The following WWTR1 variants were observed in gnomAD, a reference collection of about 807,000 sequenced individuals.
The protein encoded by WWTR1 is WW domain containing transcription regulator 1, also known as WW domain-containing transcription regulator protein 1.
Under a neutral mutation model 40.1 loss-of-function variants are expected in WWTR1, and 13 were observed. That is an observed-to-expected ratio of 0.32 (90% confidence interval 0.21 to 0.52). The LOEUF (loss-of-function observed/expected upper bound fraction) is 0.52. Ranked by LOEUF, WWTR1 falls within the 20% of genes least tolerant of loss-of-function variation. The probability of loss-of-function intolerance (pLI) is 0.97; values close to 1 mark genes in which losing one functional copy is unlikely to be tolerated. For synonymous variants in WWTR1, 230 were observed against 210.1 expected (o/e 1.09, Z -0.82); for missense variants, 436 against 523.1 (o/e 0.83, Z 1.63).
At chr3:149,579,755 G>T (rs1002964442) in intron 2 of WWTR1, among the ~76,000 whole-genome samples, 2 of 152,098 alleles carry the variant, frequency 1.3e-5, no homozygotes, top group African/African-American at 4.8e-5. Flanking sequence ...AAACTTTTTT[G>T]ATTTACTAGG....
intron 2 of WWTR1, among the ~76,000 whole-genome samples, chr3:149,588,098 G>C (rs1207263991): frequency 6.6e-6 from 1 of 152,182 alleles, no homozygotes; most frequent in African/African-American, 2.4e-5. Flanking sequence ...GCTAAGTATT[G>C]CCAAGAGACT....
intron 1 of WWTR1, among the ~76,000 whole-genome samples, chr3:149,676,809 A>G (rs980931597): frequency 2.6e-5 from 4 of 152,076 alleles, no homozygotes; most frequent in Non-Finnish European, 5.9e-5. Flanking sequence ...ATGCTTTTCA[A>G]TAGTGAAAGT....
chr3:149,648,023 AC>A (rs1408802108), intron 2 of WWTR1, among the ~76,000 whole-genome samples: 2 of 151,968 alleles, frequency 1.3e-5, no homozygotes, highest in African/African-American at 2.4e-5. Context: ...CTGCCTCTAT[AC>A]CTCTCTTCCC....
intron 3 of WWTR1, 40 bp downstream of exon 3, chr3:149,572,824 A>C (rs1423989499): frequency 6.2e-7 from 1 of 1,606,678 alleles, no homozygotes; most frequent in East Asian, 2.2e-5. Context: ...TCTACAAAAA[A>C]AAAATATCTT....
At chr3:149,523,972 C>T (rs980398599) in intron 6 of WWTR1, among the ~76,000 whole-genome samples, 5 of 152,332 alleles carry the variant, frequency 3.3e-5, no homozygotes, top group South Asian at 2.1e-4. Flanking sequence ...ACCAGGTTAA[C>T]GTGGCACTCT....
rs369840174 is a variant in WWTR1 at position 149,532,431 on chromosome 3, A to AT, written c.772-4463dup. 2.3e-3 allele frequency among the ~76,000 whole-genome samples: 354 copies of AT among 152,202 alleles called. 1 individual carries two copies. Among genetic ancestry groups the AT allele is most frequent in the African/African-American group, 8.1e-3 (335 of 41,522 alleles). ...AATGGTCACCAAGGCTAAGAAAACAATTTTTTTTAAACAAGGAGAGGTTTA... is the reference window on the plus strand; with the variant it reads ...AATGGTCACCAAGGCTAAGAAAACAATTTTTTTTTAAACAAGGAGAGGTTTA... On this transcript the variant is annotated intron_variant, in intron 4 of 6. Coordinates refer to ENST00000360632, the MANE Select transcript of WWTR1 (RefSeq NM_015472.6).
chr3:149,610,768 A>G (rs1247692776), intron 2 of WWTR1, among the ~76,000 whole-genome samples: 1 of 152,162 alleles, frequency 6.6e-6, no homozygotes, highest in Non-Finnish European at 1.5e-5. Context: ...TCATTTGTCA[A>G]ACATCAACTG....
At chr3:149,660,836 A>G (rs902586488), upstream of WWTR1, among the ~76,000 whole-genome samples, 1 of 152,232 alleles carries the variant, frequency 6.6e-6, no homozygotes, top group Non-Finnish European at 1.5e-5. Context: ...TCTATCTGCT[A>G]CATTATGCAA....
chr3:149,537,174 T>C (rs1465933000), intron 4 of WWTR1, among the ~76,000 whole-genome samples: 2 of 152,202 alleles, frequency 1.3e-5, no homozygotes, highest in Non-Finnish European at 2.9e-5. Flanking sequence ...AACAACAGAA[T>C]ACTCTGTAGT....
intron 1 of WWTR1, among the ~76,000 whole-genome samples, chr3:149,696,551 A>G (rs1387435285): frequency 6.6e-6 from 1 of 152,234 alleles, no homozygotes; most frequent in African/African-American, 2.4e-5. Flanking sequence ...CAAACAATTC[A>G]ATGTCCAATG....
chr3:149,529,261 A>G (rs1735463004), intron 4 of WWTR1, among the ~76,000 whole-genome samples: 2 of 152,218 alleles, frequency 1.3e-5, no homozygotes, highest in South Asian at 4.1e-4. Context: ...TCTAAATTAC[A>G]GTATCTTCGT....
chr3:149,681,600 T>C (rs1398882371), intron 1 of WWTR1, among the ~76,000 whole-genome samples: 3 of 152,152 alleles, frequency 2.0e-5, no homozygotes, highest in African/African-American at 7.2e-5. Flanking sequence ...GACATCAGGA[T>C]CTCAAAGAAA....
chr3:149,655,606 TGTTTCA>T (rs1030661388), intron 2 of WWTR1, among the ~76,000 whole-genome samples: 3 of 152,370 alleles, frequency 2.0e-5, no homozygotes, highest in East Asian at 3.9e-4. Context: ...CCATCAAGTC[TGTTTCA>T]GAATCTCAGC....
At chr3:149,721,096 C>A (rs1004485212) in intron 4 of WWTR1, among the ~76,000 whole-genome samples, 4 of 151,996 alleles carry the variant, frequency 2.6e-5, no homozygotes, top group Non-Finnish European at 5.9e-5. Context: ...ATTTTAGATG[C>A]CTTTCATTTC....
chr3:149,702,030 C>T (rs1043552042), intron 1 of WWTR1: 5 of 169,140 alleles, frequency 3.0e-5, no homozygotes, highest in African/African-American at 9.6e-5. Context: ...TCAACTCCTC[C>T]TGCAAATAAA....
intron 2 of WWTR1, among the ~76,000 whole-genome samples, chr3:149,649,380 C>T (rs1712717383): frequency 6.6e-6 from 1 of 152,208 alleles, no homozygotes; most frequent in Admixed American, 6.5e-5. Flanking sequence ...AGATCATCGC[C>T]CCTTTCACCG....
intron 4 of WWTR1, among the ~76,000 whole-genome samples, chr3:149,534,243 T>C (rs1311676276): frequency 6.6e-6 from 1 of 152,124 alleles, no homozygotes; most frequent in Non-Finnish European, 1.5e-5. Context: ...GACAACCCAA[T>C]TGTCTCCATT....
At chr3:149,586,152 T>C (rs1738410588) in intron 2 of WWTR1, among the ~76,000 whole-genome samples, 1 of 152,234 alleles carries the variant, frequency 6.6e-6, no homozygotes, top group Non-Finnish European at 1.5e-5. Context: ...AAAAATCATA[T>C]AAAATCAACA....
chr3:149,625,322 G>A (rs1455379028), intron 2 of WWTR1, among the ~76,000 whole-genome samples: 1 of 151,236 alleles, frequency 6.6e-6, no homozygotes, highest in Non-Finnish European at 1.5e-5. Context: ...GTTTCATCAT[G>A]TTAGCCAGGA....
Sources: allele counts gnomAD v4.1 joint callset (sites outside exome capture counted in the v4.1 genomes callset), GRCh38; gene constraint gnomAD v4.1.1; transcripts MANE v1.5; gene names NCBI Gene and HGNC (gene_info 2026-07-23, HGNC 2026-07-21).